PDE1C: variants seen among roughly 807,000 people sequenced by gnomAD.
The protein encoded by PDE1C is phosphodiesterase 1C.
PDE1C carries 62 observed loss-of-function variants against 93.1 expected under a neutral mutation model. The ratio of observed to expected loss-of-function variants is 0.67; its 90% confidence interval spans 0.54 to 0.82. The LOEUF is 0.82. Among genes scored for constraint, PDE1C ranks in the 40% least tolerant of loss-of-function variants. The pLI is 0.00. For synonymous variants in PDE1C, 325 were observed against 310.1 expected (o/e 1.05, Z -0.50); for missense variants, 742 against 884.6 (o/e 0.84, Z 2.04).
chr7:31,832,075 C>T (rs73304574), intron 11 of PDE1C, among the ~76,000 whole-genome samples: 2,125 of 151,952 alleles, frequency 0.014, 42 homozygotes, highest in African/African-American at 0.049. Flanking sequence ...CAAAGGAGAA[C>T]TGAATTGATA....
chr7:32,323,381 A>G lies in PDE1C; in HGVS notation c.310+104441T>C, dbSNP rs573480619. On this transcript the variant is annotated intron_variant, in intron 1 of 1. Transcript: ENST00000672256. ...GAGATTGTATGTCTTGAGACATACA[A>G]TTGGTCTCAAGAGCCAGTCTGAGCT... is the stretch of plus-strand genomic sequence containing the variant. 3.3e-5 allele frequency among the ~76,000 whole-genome samples: 5 copies of G among 152,298 alleles called. No homozygotes were observed. In the South Asian group the frequency reaches 1.0e-3, roughly 32 times the overall value.
At chr7:31,791,702 G>A (rs1022687870) in intron 16 of PDE1C, among the ~76,000 whole-genome samples, 1 of 152,056 alleles carries the variant, frequency 6.6e-6, no homozygotes, top group African/African-American at 2.4e-5. Context: ...GGAAGCTAGA[G>A]ACAGATAGCT....
chr7:32,355,448 G>A (rs547334477), intron 1 of PDE1C, among the ~76,000 whole-genome samples: 10 of 152,270 alleles, frequency 6.6e-5, no homozygotes, highest in Middle Eastern at 3.4e-3. Flanking sequence ...AGAAGGCATC[G>A]TGGCACACAC....
At chr7:32,403,286 A>G (rs1784986978) in intron 1 of PDE1C, among the ~76,000 whole-genome samples, 1 of 152,192 alleles carries the variant, frequency 6.6e-6, no homozygotes, top group Non-Finnish European at 1.5e-5. Context: ...TGCTTCCTGA[A>G]CAGCTGTGTG....
At chr7:32,206,485 A>G (rs1043743739) in intron 2 of PDE1C, among the ~76,000 whole-genome samples, 14 of 152,260 alleles carry the variant, frequency 9.2e-5, no homozygotes, top group South Asian at 4.2e-4. Context: ...CCCAGAGAGC[A>G]GGACTAGAAA....
At chr7:32,062,931 T>C (rs1194728852) in intron 1 of PDE1C, among the ~76,000 whole-genome samples, 4 of 152,214 alleles carry the variant, frequency 2.6e-5, no homozygotes, top group African/African-American at 7.2e-5. Flanking sequence ...CTGGATGGAA[T>C]GATTCTCTTT....
intron 1 of PDE1C, among the ~76,000 whole-genome samples, chr7:32,069,724 T>C (rs965876514): frequency 1.3e-5 from 2 of 152,058 alleles, no homozygotes; most frequent in African/African-American, 2.4e-5. Flanking sequence ...AAAACCCCAA[T>C]ATCGTTTCTG....
At chr7:31,984,957 C>T (rs1341667545) in intron 2 of PDE1C, among the ~76,000 whole-genome samples, 1 of 152,138 alleles carries the variant, frequency 6.6e-6, no homozygotes, top group Admixed American at 6.5e-5. Flanking sequence ...ATTCCTGAAA[C>T]CTCCTACCCT....
chr7:31,794,021 TAGATAGATAGATAGATAGATAGACAGAC>T (rs201173169), intron 16 of PDE1C, among the ~76,000 whole-genome samples: 115 of 125,634 alleles, frequency 9.2e-4, no homozygotes, highest in Non-Finnish European at 1.3e-3. Flanking sequence ...GATAGATAGA[TAGATAGATAGATAGATAGATAGACAGAC>T]AGACAGACAG....
chr7:32,152,328 G>A (rs959045692), intron 3 of PDE1C, among the ~76,000 whole-genome samples: 1 of 152,194 alleles, frequency 6.6e-6, no homozygotes, highest in Non-Finnish European at 1.5e-5. Flanking sequence ...GGAAGCTATG[G>A]ATCCCTGCCA....
chr7:31,720,169 CAAAAAAAAAAAAAAAAAAA>C, the PDE1C span, among the ~76,000 whole-genome samples: 1 of 50,128 alleles, frequency 2.0e-5, no homozygotes, highest in African/African-American at 6.7e-5. Flanking sequence ...GACTCCGTCT[CAAAAAAAAAAAAAAAAAAA>C]AAAAAAAAAA....
chr7:31,749,559 G>T (rs374694941), downstream of PDE1C, among the ~76,000 whole-genome samples: 1 of 152,040 alleles, frequency 6.6e-6, no homozygotes. Context: ...TGTGGTGTAG[G>T]GGGTGAGAAG....
intron 2 of PDE1C, among the ~76,000 whole-genome samples, chr7:32,177,129 T>G (rs1462393085): frequency 6.6e-6 from 1 of 152,146 alleles, no homozygotes; most frequent in East Asian, 1.9e-4. Context: ...CACTGCCGTG[T>G]GCGGAGAAAA....
chr7:31,707,696 C>CA, the PDE1C span: 1 of 168,110 alleles, frequency 5.9e-6, no homozygotes, highest in Non-Finnish European at 1.3e-5. Context: ...AGTGGGGTTC[C>CA]CTGTTGCCAG....
intron 3 of PDE1C, among the ~76,000 whole-genome samples, chr7:32,087,055 G>C (rs1797133664): frequency 6.6e-6 from 1 of 152,100 alleles, no homozygotes; most frequent in African/African-American, 2.4e-5. Context: ...ACTACCATCA[G>C]AGTGAACAGG....
chr7:32,166,807 C>T (rs7792012), intron 3 of PDE1C, among the ~76,000 whole-genome samples: 26 of 152,038 alleles, frequency 1.7e-4, no homozygotes, highest in East Asian at 9.7e-4. Context: ...CATGTCTTGA[C>T]GCTGCATTTG....
chr7:31,967,757 A>T (rs887864831), intron 2 of PDE1C, among the ~76,000 whole-genome samples: 3 of 152,190 alleles, frequency 2.0e-5, no homozygotes, highest in Non-Finnish European at 4.4e-5. Flanking sequence ...AAGCTTATCC[A>T]CCATGATCAA....
chr7:32,359,877 C>T (rs1037142004), intron 1 of PDE1C, among the ~76,000 whole-genome samples: 1 of 152,130 alleles, frequency 6.6e-6, no homozygotes, highest in African/African-American at 2.4e-5. Flanking sequence ...ATCCATTCTT[C>T]AAGATCAACT....
intron 1 of PDE1C, among the ~76,000 whole-genome samples, chr7:32,327,477 T>G (rs1272557903): frequency 2.0e-5 from 3 of 152,154 alleles, no homozygotes; most frequent in Non-Finnish European, 1.5e-5. Flanking sequence ...ATTCATTTTC[T>G]CTATTTCAAA....
Sources: allele counts gnomAD v4.1 joint callset (sites outside exome capture counted in the v4.1 genomes callset), GRCh38; gene constraint gnomAD v4.1.1; transcripts MANE v1.5; gene names NCBI Gene and HGNC (gene_info 2026-07-23, HGNC 2026-07-21).